The following FAM163A variants were observed in gnomAD, a reference collection of about 807,000 sequenced individuals.
The protein encoded by FAM163A is protein FAM163A.
FAM163A carries 7 observed loss-of-function variants against 12.0 expected under a neutral mutation model. The observed-to-expected ratio is 0.58, with a 90% CI of 0.33 to 1.10. The LOEUF (loss-of-function observed/expected upper bound fraction) is 1.10, where lower values mean the gene tolerates loss of function less well. FAM163A is among the 50% of genes least tolerant of loss of function. FAM163A has a pLI of 0.03. For missense variants in FAM163A, 202 were observed against 218.6 expected, an observed-to-expected ratio of 0.92 and a Z score of 0.48; for synonymous variants, 101 against 91.0, an observed-to-expected ratio of 1.11 and a Z score of -0.62.
chr1:179,737,980 A>G, the FAM163A span, among the ~76,000 whole-genome samples: 1 of 152,228 alleles, frequency 6.6e-6, no homozygotes, highest in Non-Finnish European at 1.5e-5. Flanking sequence ...TGCAGTTTAC[A>G]TGGATGAGCT....
intron 1 of FAM163A, among the ~76,000 whole-genome samples, chr1:179,797,723 A>T (rs1300002537): frequency 6.6e-6 from 1 of 152,120 alleles, no homozygotes; most frequent in Admixed American, 6.6e-5. Context: ...TCTGTGAATT[A>T]AAAAAATCTA....
intron 1 of FAM163A, among the ~76,000 whole-genome samples, chr1:179,774,039 A>G (rs564555177): frequency 6.6e-6 from 1 of 152,286 alleles, no homozygotes; most frequent in South Asian, 2.1e-4. Flanking sequence ...TTTTTAAAGT[A>G]CTCCATCCTG....
At position 179,805,269 on chromosome 1, in the gene FAM163A, G is replaced by A. The variant is rs372817969; in HGVS notation, c.-135-2529G>A. ...ATGCTGGCTCACGCCTGTAATCCTA[G>A]TACTTTGGGAGGCTGAGGCAGGTGG... On this transcript the variant is annotated intron_variant, in intron 1 of 4. Coordinates refer to ENST00000341785, the MANE Select transcript of FAM163A (RefSeq NM_173509.3). 2.0e-5 allele frequency among the ~76,000 whole-genome samples: 3 copies of A among 152,284 alleles called. No homozygotes were observed. In the East Asian group the frequency reaches 5.8e-4, roughly 29 times the overall value.
chr1:179,779,511 C>A (rs931215399), intron 1 of FAM163A, among the ~76,000 whole-genome samples: 1 of 152,168 alleles, frequency 6.6e-6, no homozygotes, highest in African/African-American at 2.4e-5. Flanking sequence ...TTAAAAGTCC[C>A]AGTGGGACCC....
At chr1:179,748,782 T>A (rs1238059708) in intron 1 of FAM163A, among the ~76,000 whole-genome samples, 1 of 152,040 alleles carries the variant, frequency 6.6e-6, no homozygotes. Context: ...ATACATAAGC[T>A]CAGGAGAAAG....
At chr1:179,749,496 A>G (rs1364347664) in intron 1 of FAM163A, among the ~76,000 whole-genome samples, 3 of 152,234 alleles carry the variant, frequency 2.0e-5, no homozygotes, top group Non-Finnish European at 4.4e-5. Flanking sequence ...TGTTTATGTC[A>G]TAAAACCCAT....
chr1:179,742,192 C>T (rs979075980), upstream of FAM163A: 1 of 152,128 alleles, frequency 6.6e-6, no homozygotes, highest in Non-Finnish European at 1.5e-5. Context: ...TGTTTTTTAA[C>T]AGTGTATTAG....
upstream of FAM163A, among the ~76,000 whole-genome samples, chr1:179,740,593 T>TG (rs1257755127): frequency 2.0e-5 from 3 of 152,150 alleles, no homozygotes; most frequent in East Asian, 1.9e-4. Context: ...GGTTGCTGCG[T>TG]GGGAAAAAAT....
intron 1 of FAM163A, among the ~76,000 whole-genome samples, chr1:179,744,930 G>A (rs1229715916): frequency 3.5e-4 from 54 of 152,330 alleles, no homozygotes; most frequent in South Asian, 2.1e-4. Context: ...CCTAAGATTC[G>A]CTGGAGTCTG....
intron 1 of FAM163A, among the ~76,000 whole-genome samples, chr1:179,772,126 G>T (rs575459068): frequency 1.3e-4 from 20 of 152,234 alleles, no homozygotes; most frequent in African/African-American, 3.9e-4. Flanking sequence ...TCAAGCTGCT[G>T]CCCTCTAAAT....
chr1:179,728,056 GGA>G, the FAM163A span, among the ~76,000 whole-genome samples: 1 of 152,232 alleles, frequency 6.6e-6, no homozygotes, highest in East Asian at 1.9e-4. Context: ...GGCAGAAAAA[GGA>G]GACAGTAGCT....
chr1:179,744,386 C>T (rs1684138700), intron 1 of FAM163A, among the ~76,000 whole-genome samples: 1 of 152,006 alleles, frequency 6.6e-6, no homozygotes, highest in Admixed American at 6.5e-5. Flanking sequence ...ACGAGGCCCG[C>T]ATTGGGCTGC....
intron 1 of FAM163A, among the ~76,000 whole-genome samples, chr1:179,785,775 C>T (rs756663340): frequency 4.6e-5 from 7 of 152,170 alleles, no homozygotes; most frequent in Non-Finnish European, 7.3e-5. Flanking sequence ...GTGTCATTTA[C>T]TAATACTGTT....
intron 1 of FAM163A, among the ~76,000 whole-genome samples, chr1:179,754,687 T>A (rs1056534266): frequency 2.0e-5 from 3 of 152,212 alleles, no homozygotes; most frequent in African/African-American, 7.2e-5. Flanking sequence ...TATTCAGTGA[T>A]GTCAGAACAT....
At chr1:179,812,974 G>A in intron 3 of FAM163A, 102 bp from the exon 4 acceptor site, 1 of 1,101,750 alleles carries the variant, frequency 9.1e-7, no homozygotes. Context: ...GCTGCTCTCA[G>A]GCCCCCTGCC....
At chr1:179,737,030 A>G in the FAM163A span, among the ~76,000 whole-genome samples, 6 of 152,208 alleles carry the variant, frequency 3.9e-5, no homozygotes, top group African/African-American at 1.4e-4. Context: ...TATCTAAAAA[A>G]TCAGTATCTC....
intron 1 of FAM163A, among the ~76,000 whole-genome samples, chr1:179,781,599 G>A (rs919078478): frequency 2.6e-5 from 4 of 152,080 alleles, no homozygotes; most frequent in Admixed American, 2.0e-4. Flanking sequence ...GAGAGACTCC[G>A]CTGGGATTGC....
intron 1 of FAM163A, among the ~76,000 whole-genome samples, chr1:179,754,391 G>A (rs1685714680): frequency 6.6e-6 from 1 of 151,912 alleles, no homozygotes; most frequent in South Asian, 2.1e-4. Flanking sequence ...CCTGCACCCG[G>A]GACTGAGACA....
intron 1 of FAM163A, among the ~76,000 whole-genome samples, chr1:179,799,622 C>T (rs1405469991): frequency 6.6e-6 from 1 of 152,210 alleles, no homozygotes; most frequent in East Asian, 1.9e-4. Context: ...GCCTAGGAGA[C>T]AAACAAGATG....
Sources: gnomAD v4.1 joint callset for allele counts (sites outside exome capture counted in the v4.1 genomes callset) on GRCh38, gnomAD v4.1.1 for gene constraint, MANE v1.5 for transcripts, NCBI Gene and HGNC (gene_info 2026-07-23, HGNC 2026-07-21) for gene names.